Variants in TXNIP observed in about 807,000 individuals in gnomAD.
TXNIP encodes the protein thioredoxin-interacting protein.
In TXNIP, 23 loss-of-function variants were observed where a neutral mutation model predicts 43.9. The observed-to-expected ratio is 0.52, with a 90% CI of 0.38 to 0.74. The LOEUF (loss-of-function observed/expected upper bound fraction) is 0.74. Among genes scored for constraint, TXNIP ranks in the 30% least tolerant of loss-of-function variants. The pLI is 0.00. For synonymous variants in TXNIP, 234 were observed against 172.2 expected (o/e 1.36, Z -2.81); for missense variants, 555 against 485.4 (o/e 1.14, Z -1.35).
chr1:145,993,955 C>A, intron 7 of TXNIP, 61 bp downstream of exon 7: 2 of 1,613,802 alleles, frequency 1.2e-6, no homozygotes. Flanking sequence ...AGCAATCCGT[C>A]TAAGTCAACT....
chr1:145,996,238 A>G lies in TXNIP; in HGVS notation c.29T>C (p.Phe10Ser). 1 of 1,614,036 alleles carries G rather than the reference A, an allele frequency of 6.2e-7. No individual in the cohort carries two copies. Among genetic ancestry groups the G allele is most frequent in the Non-Finnish European group, 8.5e-7 (1 of 1,180,012 alleles). MVMFKKIKS[F>S]EVVFNDPEKV... is the part of the protein sequence containing the mutation. Reference sequence around the variant, plus strand: ...TTCAGGGTCGTTAAAGACCACCTCAAAAGACTTGATCTTCTTGAACATCAC... The same window carrying G: ...TTCAGGGTCGTTAAAGACCACCTCAGAAGACTTGATCTTCTTGAACATCAC... The change falls in exon 1 of 8, where the codon TTT (phenylalanine) becomes TCT (serine). Residue 10 changes from phenylalanine to serine, a missense_variant. Coordinates refer to ENST00000582401, the MANE Select transcript of TXNIP (RefSeq NM_006472.6).
At position 145,996,117 on chromosome 1, in the gene TXNIP, T is replaced by A. The variant is rs781807550; in HGVS notation, c.150A>T (p.Gly50=). The A allele has an allele frequency of 6.2e-7, 1 of 1,613,978 alleles. No individual in the cohort carries two copies. The highest frequency in any genetic ancestry group is 8.5e-7 in the Non-Finnish European group (1 of 1,180,004). The change falls in exon 1 of 8, where the codon GGA becomes GGT. Residue 50 remains glycine, a synonymous_variant. Transcript: ENST00000582401. ...CCTGCATCCAAAGCACTTTAGCCAC[T>A]CCGCAAGCCAGGATCCTAACGGCTT... ...RVKAVRILAC[G]VAKVLWMQGS... is the part of the protein sequence containing the mutation.
chr1:145,996,201 GC>G lies in TXNIP; in HGVS notation c.65del (p.Gly22AlafsTer10), dbSNP rs1407560712. On this transcript the variant is annotated frameshift_variant, in exon 1 of 8. Coordinates refer to ENST00000582401, the MANE Select transcript of TXNIP (RefSeq NM_006472.6). LOFTEE classifies it high-confidence loss of function. ...CCCGGCCAGCCACCTTCTCGCCACT[GC>G]CGTACACCTTTTCAGGGTCGTTAAA... ...VVFNDPEKVY[G>X]SGEKVAGRVI... 1 of 1,613,856 alleles carries G rather than the reference GC, an allele frequency of 6.2e-7. No homozygotes were observed. Among genetic ancestry groups the G allele is most frequent in the Non-Finnish European group, 8.5e-7 (1 of 1,180,002 alleles).
chr1:145,995,575 G>A (rs1553766403), intron 1 of TXNIP, 99 bp from the exon 2 acceptor site: 2 of 1,049,376 alleles, frequency 1.9e-6, no homozygotes, highest in East Asian at 2.4e-5. Context: ...AGGTATTGAA[G>A]TACCCCCAAT....
At chr1:145,995,316 A>C (rs782556889) in intron 2 of TXNIP, 25 bp from the exon 3 acceptor site, 33 of 1,610,394 alleles carry the variant, frequency 2.0e-5, no homozygotes, top group Non-Finnish European at 2.5e-5. Flanking sequence ...TGAAAATTTT[A>C]AAACGCTCTC....
In TXNIP at chr1:145,994,001, G is replaced by C. The variant is rs782746747; in HGVS notation, c.1140+15C>G. 7 of 1,614,004 alleles carry C rather than the reference G, an allele frequency of 4.3e-6. No individual in the cohort carries two copies. The African/African-American group carries it at 8.0e-5, about 18-fold the overall frequency. On this transcript the variant is annotated intron_variant, in intron 7 of 7. Coordinates refer to ENST00000582401, the MANE Select transcript of TXNIP (RefSeq NM_006472.6). ...AGCTTAGGACAAATTTAACAGTAAA[G>C]ATGACAATCCTCACCTCAGTATAAG...
In TXNIP at chr1:145,994,055, G is replaced by A. The variant is rs782422825; in HGVS notation, c.1101C>T (p.Ala367=). ...GSQDSPIFMY[A]PEFKFMPPPT... ...GTGGTGGCATGAACTTGAACTCAGG[G>A]GCATACATAAAGATAGGGCTGTCTT... Residue 367 remains alanine (A), a synonymous_variant, in exon 7 of 8, where the codon GCC becomes GCT. Transcript: ENST00000582401. The A allele has an allele frequency of 7.4e-6, 12 of 1,613,946 alleles. No individual in the cohort carries two copies. The Admixed American group carries it at 8.3e-5, about 11-fold the overall frequency.
In TXNIP at chr1:145,996,374, G is replaced by A; in HGVS notation, c.-108C>T. 7.6e-7 allele frequency: 1 copy of A among 1,309,568 alleles called. No individual in the cohort carries two copies. The highest frequency in any genetic ancestry group is 1.1e-6 in the Non-Finnish European group (1 of 946,050). The allele number at this position is 1,309,568 out of a possible 1,614,324, so 81.1% of individuals were successfully genotyped here. On this transcript the variant is annotated 5_prime_UTR_variant, in exon 1 of 8. Transcript: ENST00000582401. ...AAATTATTTCACTTTAAGGAATTAA[G>A]GTATTCTTAAGCAGTTTGAGCTTAA...
rs1651496882 is a variant in TXNIP, at chr1:145,995,980, C to T, written c.250+37G>A. 5 of 1,605,210 alleles carry T rather than the reference C, an allele frequency of 3.1e-6. No homozygotes were observed. The East Asian group carries it at 1.1e-4, about 36-fold the overall frequency. The stretch of plus-strand genomic sequence containing the variant: ...TGTGTATTCAATTCTCTTCTCTAAT[C>T]AGCTTTCACCCTCCAACAATGAATT... On this transcript the variant is annotated intron_variant, in intron 1 of 7. Coordinates refer to ENST00000582401, the MANE Select transcript of TXNIP (RefSeq NM_006472.6).
chr1:145,995,607 T>C, intron 1 of TXNIP, 131 bp from the exon 2 acceptor site: 1 of 847,442 alleles, frequency 1.2e-6, no homozygotes, highest in Non-Finnish European at 2.0e-6. Context: ...TATATATTTT[T>C]TAATCCATCC....
Position 145,996,359 on chromosome 1 carries a change from A to C in TXNIP, c.-93T>G, listed in dbSNP as rs1202496074. ...AAACCCCTTTGCAAAAAATTATTTC[A>C]CTTTAAGGAATTAAGGTATTCTTAA... is the stretch of plus-strand genomic sequence containing the variant. On this transcript the variant is annotated 5_prime_UTR_variant, in exon 1 of 8. Coordinates refer to ENST00000582401, the MANE Select transcript of TXNIP (RefSeq NM_006472.6). 7.1e-7 allele frequency: 1 copy of C among 1,417,392 alleles called. No homozygotes were observed. Among genetic ancestry groups the C allele is most frequent in the African/African-American group, 1.4e-5 (1 of 69,450 alleles). 87.8% of individuals were successfully genotyped at this position (1,417,392 alleles called of 1,614,324 possible).
At chr1:145,995,382 G>A in intron 2 of TXNIP, 22 bp downstream of exon 2, 1 of 1,611,896 alleles carries the variant, frequency 6.2e-7, no homozygotes, top group Non-Finnish European at 8.5e-7. Context: ...AAAGTTCAAA[G>A]ATGCATTTAG....
chr1:145,996,115 A>C lies in TXNIP; in HGVS notation c.152T>G (p.Val51Gly). The C allele has an allele frequency of 1.2e-6, 2 of 1,613,686 alleles. No individual in the cohort carries two copies. The highest frequency in any genetic ancestry group is 1.7e-6 in the Non-Finnish European group (2 of 1,179,954). The change falls in exon 1 of 8, where the codon GTG becomes GGG. Residue 51 changes from valine (V) to glycine (G), a missense_variant. Val to Gly is a moderately radical substitution (Grantham distance 109, BLOSUM62 -3). Coordinates refer to ENST00000582401, the MANE Select transcript of TXNIP (RefSeq NM_006472.6). ...TCCCTGCATCCAAAGCACTTTAGCCACTCCGCAAGCCAGGATCCTAACGGC... is the reference window on the plus strand; with the variant it reads ...TCCCTGCATCCAAAGCACTTTAGCCCCTCCGCAAGCCAGGATCCTAACGGC... ...VKAVRILACG[V>G]AKVLWMQGSQ...
At position 145,992,448 on chromosome 1, in the gene TXNIP, T is replaced by TA. The variant is rs1553765526; in HGVS notation, c.*1402dup. On this transcript the variant is annotated 3_prime_UTR_variant, in exon 8 of 8. Coordinates refer to ENST00000582401, the MANE Select transcript of TXNIP (RefSeq NM_006472.6). ...ATCTCACAGACATTTTTTTTTCCATTAAAAAAACTTTATTTTCATTTTTTA... is the reference window on the plus strand; with the variant it reads ...ATCTCACAGACATTTTTTTTTCCATTAAAAAAAACTTTATTTTCATTTTTTA... The TA allele has an allele frequency of 1.3e-5, 2 of 152,568 alleles. No homozygotes were observed. The highest frequency in any genetic ancestry group is 2.9e-5 in the Non-Finnish European group (2 of 68,022). 9.5% of individuals were successfully genotyped at this position (152,568 alleles called of 1,614,324 possible).
Position 145,994,047 on chromosome 1 carries a change from A to T in TXNIP, c.1109T>A (p.Phe370Tyr). 6 of 1,614,202 alleles carry T rather than the reference A, an allele frequency of 3.7e-6. No homozygotes were observed. Among genetic ancestry groups the T allele is most frequent in the Non-Finnish European group, 5.1e-6 (6 of 1,180,038 alleles). ...DSPIFMYAPE[F>Y]KFMPPPTYTE... ...ATAAGTCGGTGGTGGCATGAACTTGAACTCAGGGGCATACATAAAGATAGG... is the reference window on the plus strand; with the variant it reads ...ATAAGTCGGTGGTGGCATGAACTTGTACTCAGGGGCATACATAAAGATAGG... The change falls in exon 7 of 8, where the codon TTC becomes TAC. Residue 370 changes from phenylalanine (F) to tyrosine (Y), a missense_variant. Phe to Tyr is a conservative substitution (Grantham distance 22). Coordinates refer to ENST00000582401, the MANE Select transcript of TXNIP (RefSeq NM_006472.6).
At position 145,994,570 on chromosome 1, in the gene TXNIP, T is replaced by C. The variant is rs782015465; in HGVS notation, c.805A>G (p.Ile269Val). The change falls in exon 5 of 8, where the codon ATC (isoleucine) becomes GTC (valine). Residue 269 changes from isoleucine to valine, a missense_variant. Coordinates refer to ENST00000582401, the MANE Select transcript of TXNIP (RefSeq NM_006472.6). ...KIRPSILGCN[I>V]LRVEYSLLIY... ...AGTAAGGAATATTCAACTCGAAGGA[T>C]GTTGCAGCCCAGGATAGAAGGCCTG... 132 of 1,614,088 alleles carry C rather than the reference T, an allele frequency of 8.2e-5. 2 individuals carry two copies. In the East Asian group the frequency reaches 2.8e-3, roughly 35 times the overall value.
In TXNIP at chr1:145,993,712, C is replaced by T. The variant is rs1183259112; in HGVS notation, c.*139G>A. ...GGCCCAGGAGATTGCCTGCTGACCA[C>T]CTCCTACATTAGGAAGTCAGAGGCT... On this transcript the variant is annotated 3_prime_UTR_variant, in exon 8 of 8. Transcript: ENST00000582401. 5 of 946,014 alleles carry T rather than the reference C, an allele frequency of 5.3e-6. No individual in the cohort carries two copies. Among genetic ancestry groups the T allele is most frequent in the Non-Finnish European group, 7.9e-6 (5 of 636,434 alleles). 58.6% of individuals were successfully genotyped at this position (946,014 alleles called of 1,614,324 possible).
intron 3 of TXNIP, 48 bp downstream of exon 3, chr1:145,995,096 T>C (rs1553766238): frequency 1.2e-6 from 2 of 1,613,366 alleles, no homozygotes; most frequent in East Asian, 2.2e-5. Flanking sequence ...ACGTCTGATT[T>C]ATCATCCTCA....
At position 145,994,081 on chromosome 1, in the gene TXNIP, G is replaced by C; in HGVS notation, c.1075C>G (p.Gln359Glu). 1 of 1,614,200 alleles carries C rather than the reference G, an allele frequency of 6.2e-7. No individual in the cohort carries two copies. The change falls in exon 7 of 8, where the codon CAA becomes GAA. Residue 359 changes from glutamine to glutamate, a missense_variant. By Grantham distance (29) the Gln-to-Glu change is conservative. Transcript: ENST00000582401. ...TPLLDDMDGS[Q>E]DSPIFMYAPE... Reference sequence around the variant, plus strand: ...GCATACATAAAGATAGGGCTGTCTTGAGAGCCATCCATGTCATCTAGCAGA... The same window carrying C: ...GCATACATAAAGATAGGGCTGTCTTCAGAGCCATCCATGTCATCTAGCAGA...
Sources: gnomAD v4.1 joint callset for allele counts on GRCh38, gnomAD v4.1.1 for gene constraint, MANE v1.5 for transcripts, NCBI Gene and HGNC (gene_info 2026-07-23, HGNC 2026-07-21) for gene names.